ZNF608: variants seen among roughly 807,000 people sequenced by gnomAD.
ZNF608 encodes the protein zinc finger protein 608, also known as renal carcinoma antigen NY-REN-36.
ZNF608 carries 12 observed loss-of-function variants against 109.0 expected under a neutral mutation model. The ratio of observed to expected loss-of-function variants is 0.11; its 90% confidence interval spans 0.07 to 0.18. The LOEUF is 0.18. Ranked by LOEUF, ZNF608 falls within the 10% of genes least tolerant of loss-of-function variation. The pLI is 1.00. For missense variants in ZNF608, 1,707 were observed against 1,879.3 expected, an observed-to-expected ratio of 0.91 and a Z score of 1.70; for synonymous variants, 732 against 717.4, an observed-to-expected ratio of 1.02 and a Z score of -0.33.
intron 3 of ZNF608, among the ~76,000 whole-genome samples, chr5:124,670,149 C>A (rs1188633793): frequency 3.9e-5 from 6 of 152,156 alleles, no homozygotes. Flanking sequence ...TCTCTTCTGG[C>A]AAGAGGCAGA....
At chr5:124,735,511 G>C (rs1175676174) in intron 2 of ZNF608, among the ~76,000 whole-genome samples, 2 of 152,234 alleles carry the variant, frequency 1.3e-5, no homozygotes, top group Admixed American at 1.3e-4. Context: ...CAGTGCGACT[G>C]ATAAGATAGA....
At chr5:124,736,088 C>A (rs2149898064) in intron 2 of ZNF608, among the ~76,000 whole-genome samples, 1 of 152,008 alleles carries the variant, frequency 6.6e-6, no homozygotes, top group South Asian at 2.1e-4. Context: ...TCTTAACTGG[C>A]TCAAGGGATA....
intron 8 of ZNF608, among the ~76,000 whole-genome samples, chr5:124,640,984 T>G (rs949240272): frequency 3.9e-5 from 6 of 152,190 alleles, no homozygotes; most frequent in Non-Finnish European, 8.8e-5. Context: ...CCCCAGACAC[T>G]GGCCACCGCC....
At chr5:124,660,916 G>A (rs10067299) in intron 3 of ZNF608, among the ~76,000 whole-genome samples, 26,992 of 151,168 alleles carry the variant, frequency 0.18, 2,763 homozygotes, top group East Asian at 0.4. Context: ...ATTCCTCCCA[G>A]GTGAAGCAAA....
chr5:124,740,764 G>C (rs1005826873), intron 2 of ZNF608, among the ~76,000 whole-genome samples: 11 of 152,214 alleles, frequency 7.2e-5, no homozygotes, highest in Non-Finnish European at 1.3e-4. Context: ...TAGGTATTGA[G>C]ACACAACTAT....
chr5:124,643,134 C>G (rs1458587326), intron 7 of ZNF608, among the ~76,000 whole-genome samples: 1 of 152,180 alleles, frequency 6.6e-6, no homozygotes, highest in Admixed American at 6.5e-5. Flanking sequence ...AGCCTCTGAA[C>G]TACTTACTTA....
In ZNF608 at chr5:124,649,676, G is replaced by A. The variant is rs753317380; in HGVS notation, c.1184C>T (p.Thr395Met). The stretch of plus-strand genomic sequence containing the variant: ...TCCCACGTACGTTTTGTTCCTCCAC[G>A]TGACATTGACCACTAGGACACCTGC... ...TEEGVLVVNV[T>M]WRNKTYVGTL... The change falls in exon 4 of 10, where the codon ACG (threonine) becomes ATG (methionine). Residue 395 changes from threonine to methionine, a missense_variant. Physicochemically the swap from Thr to Met is moderately conservative, Grantham distance 81 (BLOSUM62 -1). This residue lies in a region of ZNF608 where 166 missense variants were observed against 204.2 expected (regional missense o/e 0.81). Transcript: ENST00000513986. 7 of 1,607,728 alleles carry A rather than the reference G, an allele frequency of 4.4e-6. No homozygotes were observed. In the Admixed American group the frequency reaches 6.7e-5, roughly 15 times the overall value.
chr5:124,672,736 C>A (rs1751780546), intron 3 of ZNF608, among the ~76,000 whole-genome samples: 1 of 152,158 alleles, frequency 6.6e-6, no homozygotes, highest in Non-Finnish European at 1.5e-5. Flanking sequence ...AAAGTGATTA[C>A]CAATTAAATA....
At chr5:124,717,115 C>T (rs1357129572) in intron 2 of ZNF608, among the ~76,000 whole-genome samples, 1 of 151,618 alleles carries the variant, frequency 6.6e-6, no homozygotes, top group African/African-American at 2.4e-5. Context: ...AATATTTACC[C>T]TCTGACACAT....
intron 3 of ZNF608, among the ~76,000 whole-genome samples, chr5:124,685,066 C>T (rs1163194070): frequency 6.6e-6 from 1 of 152,278 alleles, no homozygotes; most frequent in Middle Eastern, 3.4e-3. Flanking sequence ...TATAAATGCA[C>T]TTTTTGCTTA....
intron 2 of ZNF608, among the ~76,000 whole-genome samples, chr5:124,705,388 G>A (rs1439662984): frequency 6.6e-6 from 1 of 152,134 alleles, no homozygotes; most frequent in African/African-American, 2.4e-5. Flanking sequence ...CTAAGACTCA[G>A]TGTCTAGTTC....
intron 3 of ZNF608, among the ~76,000 whole-genome samples, chr5:124,689,466 C>CA (rs112747185): frequency 0.14 from 18,129 of 130,644 alleles, 1,333 homozygotes; most frequent in Non-Finnish European, 0.19. Flanking sequence ...CCCTGTCCCT[C>CA]AAAAAAAAAA....
intron 2 of ZNF608, among the ~76,000 whole-genome samples, chr5:124,728,228 A>G (rs1317105149): frequency 6.6e-6 from 1 of 152,126 alleles, no homozygotes; most frequent in Non-Finnish European, 1.5e-5. Flanking sequence ...TCACGATGGG[A>G]TTGAGGTGCT....
chr5:124,638,696 TA>T (rs1750095378), intron 9 of ZNF608: 1 of 291,076 alleles, frequency 3.4e-6, no homozygotes, highest in Admixed American at 6.0e-5. Flanking sequence ...ATATTAATTT[TA>T]TAATATTAAT....
Position 124,646,982 on chromosome 5 carries a change from G to C in ZNF608, c.3402C>G (p.Pro1134=), listed in dbSNP as rs750244492. The C allele has an allele frequency of 6.2e-7, 1 of 1,614,094 alleles. No individual in the cohort carries two copies. The highest frequency in any genetic ancestry group is 8.5e-7 in the Non-Finnish European group (1 of 1,180,014). ...RGDCERKSEL[P]LKELGKEETK... is the part of the protein sequence containing the mutation. ...TTTCCTCCTTGCCCAGCTCTTTCAA[G>C]GGGAGCTCACTTTTCCTTTCACAGT... The change falls in exon 5 of 10, where the codon CCC becomes CCG. Residue 1134 remains proline, a synonymous_variant. Coordinates refer to ENST00000513986, the MANE Select transcript of ZNF608 (RefSeq NM_020747.3).
intron 3 of ZNF608, among the ~76,000 whole-genome samples, chr5:124,690,485 G>C (rs1394452130): frequency 2.6e-5 from 4 of 152,174 alleles, no homozygotes; most frequent in South Asian, 2.1e-4. Flanking sequence ...GGATATATGG[G>C]AAATTTTTGT....
intron 2 of ZNF608, among the ~76,000 whole-genome samples, chr5:124,711,919 GT>G (rs1309480245): frequency 6.6e-6 from 1 of 152,174 alleles, no homozygotes; most frequent in Non-Finnish European, 1.5e-5. Context: ...TGTTAATGTG[GT>G]AAAAAGCACA....
intron 3 of ZNF608, among the ~76,000 whole-genome samples, chr5:124,692,350 A>G (rs373528076): frequency 3.3e-5 from 5 of 152,246 alleles, no homozygotes; most frequent in African/African-American, 7.2e-5. Flanking sequence ...TCAACATTCA[A>G]CAAATATGTA....
rs1334787419 is a variant in ZNF608 at position 124,643,461 on chromosome 5, C to G, written c.4296+50G>C. On this transcript the variant is annotated intron_variant, in intron 7 of 9. Coordinates refer to ENST00000513986, the MANE Select transcript of ZNF608 (RefSeq NM_020747.3). The stretch of plus-strand genomic sequence containing the variant: ...CAAGACTGTTCTCTAGCTTGTTCCC[C>G]TTTCTCCCCAAATCACAGTACTTTT... 5.1e-6 allele frequency: 8 copies of G among 1,576,868 alleles called. No homozygotes were observed. The Admixed American group carries it at 1.4e-4, about 27-fold the overall frequency.
Sources: allele counts gnomAD v4.1 joint callset (sites outside exome capture counted in the v4.1 genomes callset), GRCh38; gene constraint gnomAD v4.1.1; regional missense constraint gnomAD v4.1.1; transcripts MANE v1.5; gene names NCBI Gene and HGNC (gene_info 2026-07-23, HGNC 2026-07-21).